Variants in UMAD1 observed in about 807,000 individuals in gnomAD.
UMAD1 encodes the protein UBAP1-MVB12-associated (UMA)-domain containing protein 1.
In UMAD1, 8 loss-of-function variants were observed where a neutral mutation model predicts 6.1. That is an observed-to-expected ratio of 1.30 (90% CI 0.76 to 2.35). UMAD1 has a LOEUF of 2.35. Among genes scored for constraint, UMAD1 ranks in the 30% most tolerant of loss-of-function variants. The pLI, the probability that UMAD1 is intolerant of heterozygous loss-of-function variation, is 0.00. For synonymous variants in UMAD1, 56 were observed against 31.4 expected (o/e 1.78, Z -2.61); for missense variants, 130 against 78.4 (o/e 1.66, Z -2.49).
intron 2 of UMAD1, among the ~76,000 whole-genome samples, chr7:7,777,576 TATA>T (rs2115248711): frequency 1.4e-5 from 1 of 71,224 alleles, no homozygotes; most frequent in Non-Finnish European, 4.0e-5. Flanking sequence ...CATGAGCAAA[TATA>T]TATATATATA....
At chr7:7,707,026 G>C (rs1446104757) in intron 2 of UMAD1, among the ~76,000 whole-genome samples, 1 of 152,124 alleles carries the variant, frequency 6.6e-6, no homozygotes, top group African/African-American at 2.4e-5. Context: ...TCTAGAAACA[G>C]AAACATGACT....
chr7:7,770,786 C>T (rs531779991), intron 2 of UMAD1, among the ~76,000 whole-genome samples: 5 of 151,950 alleles, frequency 3.3e-5, no homozygotes, highest in South Asian at 2.1e-4. Flanking sequence ...TTTATGGAGA[C>T]GATCATGAGT....
intron 3 of UMAD1, among the ~76,000 whole-genome samples, chr7:7,848,663 G>A (rs546144078): frequency 4.6e-5 from 7 of 152,200 alleles, no homozygotes; most frequent in Non-Finnish European, 8.8e-5. Flanking sequence ...ATCTTGCCTG[G>A]AAGGTGACAC....
At chr7:7,689,943 A>G (rs1474693638) in intron 2 of UMAD1, among the ~76,000 whole-genome samples, 6 of 152,194 alleles carry the variant, frequency 3.9e-5, no homozygotes, top group Admixed American at 1.3e-4. Context: ...ATAGTTTGCT[A>G]CTTATATATA....
intron 2 of UMAD1, among the ~76,000 whole-genome samples, chr7:7,752,431 T>C (rs1424186388): frequency 2.0e-5 from 3 of 152,120 alleles, no homozygotes; most frequent in African/African-American, 7.2e-5. Flanking sequence ...TTATAATTAA[T>C]GAGTATCTTC....
chr7:7,650,682 T>G (rs1462339826), intron 1 of UMAD1, among the ~76,000 whole-genome samples: 1 of 152,272 alleles, frequency 6.6e-6, no homozygotes, highest in Non-Finnish European at 1.5e-5. Flanking sequence ...AGTGGCAATG[T>G]TACTTGTGCC....
chr7:7,716,712 G>A (rs1195371017), intron 2 of UMAD1, among the ~76,000 whole-genome samples: 2 of 152,214 alleles, frequency 1.3e-5, no homozygotes, highest in South Asian at 2.1e-4. Flanking sequence ...TTGGGAGGCC[G>A]AGGCAGGCGG....
intron 1 of UMAD1, among the ~76,000 whole-genome samples, chr7:7,656,567 T>G (rs980928435): frequency 6.6e-6 from 1 of 151,050 alleles, no homozygotes; most frequent in East Asian, 1.9e-4. Flanking sequence ...ACATGTGGTG[T>G]TTGGTTTTCT....
Position 7,786,779 on chromosome 7 carries a change from T to G in UMAD1, c.83-14891T>G, listed in dbSNP as rs1394541343. 2.0e-5 allele frequency among the ~76,000 whole-genome samples: 3 copies of G among 152,168 alleles called. No homozygotes were observed. The East Asian group carries it at 5.8e-4, about 29-fold the overall frequency. On this transcript the variant is annotated intron_variant, in intron 2 of 3. Transcript: ENST00000682710. ...TTGCTCTCACTGGGATTGATGTGCT[T>G]TCTCACAGAGTGAAGAGAGAACCTG...
intron 3 of UMAD1, among the ~76,000 whole-genome samples, chr7:7,862,010 A>T (rs1446067767): frequency 2.6e-5 from 4 of 152,166 alleles, no homozygotes; most frequent in Non-Finnish European, 1.5e-5. Context: ...ACATTTAATT[A>T]TTTGTTCTTA....
At chr7:7,726,742 C>T (rs927376749) in intron 2 of UMAD1, among the ~76,000 whole-genome samples, 18 of 152,154 alleles carry the variant, frequency 1.2e-4, no homozygotes, top group African/African-American at 4.1e-4. Context: ...CCAGGAGACA[C>T]AACAACGATT....
In UMAD1 at chr7:7,839,740, A is replaced by G. The variant is rs540968362; in HGVS notation, c.157-37541A>G. Among the ~76,000 whole-genome samples the G allele has an allele frequency of 3.3e-5, 5 of 152,318 alleles. No homozygotes were observed. In the South Asian group the frequency reaches 1.0e-3, roughly 32 times the overall value. On this transcript the variant is annotated intron_variant, in intron 3 of 3. Transcript: ENST00000682710. ...AATGAGTGGTTTGGCCTTAGGGTCA[A>G]GTTGACAAGTTTAATGGGGATTGGG...
intron 2 of UMAD1, among the ~76,000 whole-genome samples, chr7:7,708,976 AGGGAGAAAGTGT>A (rs1780679600): frequency 6.6e-6 from 1 of 151,900 alleles, no homozygotes; most frequent in African/African-American, 2.4e-5. Context: ...AGGGAGAGGA[AGGGAGAAAGTGT>A]GGGAGGAAAA....
chr7:7,795,972 C>T lies in UMAD1; in HGVS notation c.83-5698C>T, dbSNP rs117507711. Among the ~76,000 whole-genome samples, 377 of 152,186 alleles carry T rather than the reference C, an allele frequency of 2.5e-3. 4 individuals are homozygous for T. The East Asian group carries it at 0.032, about 13-fold the overall frequency. On this transcript the variant is annotated intron_variant, in intron 2 of 3. Transcript: ENST00000682710. ...GATGTGGCCCAGCAGGTCTAAGCCT[C>T]ATTTTATCCAGATCCTATTCAAGAT...
intron 3 of UMAD1, among the ~76,000 whole-genome samples, chr7:7,840,095 AC>A (rs1341084822): frequency 3.3e-5 from 5 of 151,826 alleles, no homozygotes; most frequent in Admixed American, 6.6e-5. Context: ...GCAAAAATGG[AC>A]CCCCCATTTT....
At chr7:7,672,718 C>T (rs567779847) in intron 1 of UMAD1, among the ~76,000 whole-genome samples, 3 of 152,284 alleles carry the variant, frequency 2.0e-5, no homozygotes, top group African/African-American at 7.2e-5. Context: ...GAGGCCTCCC[C>T]AGCCATGTGA....
At chr7:7,811,033 A>G (rs763146084) in intron 3 of UMAD1, among the ~76,000 whole-genome samples, 1 of 152,178 alleles carries the variant, frequency 6.6e-6, no homozygotes, top group Non-Finnish European at 1.5e-5. Context: ...TTTTCTCATT[A>G]ATCAACCTGT....
At chr7:7,803,311 CA>C (rs1249802742) in intron 3 of UMAD1, among the ~76,000 whole-genome samples, 2 of 152,104 alleles carry the variant, frequency 1.3e-5, no homozygotes, top group Non-Finnish European at 2.9e-5. Context: ...CTCATCTCTA[CA>C]AAAAATTTAA....
chr7:7,765,407 T>C (rs1197392057), intron 2 of UMAD1, among the ~76,000 whole-genome samples: 1 of 152,248 alleles, frequency 6.6e-6, no homozygotes, highest in Non-Finnish European at 1.5e-5. Flanking sequence ...CTAATTCTGA[T>C]TAAATTTTGA....
Sources: allele counts gnomAD v4.1 joint callset (sites outside exome capture counted in the v4.1 genomes callset), GRCh38; gene constraint gnomAD v4.1.1; transcripts MANE v1.5; gene names NCBI Gene and HGNC (gene_info 2026-07-23, HGNC 2026-07-21).